The following USP34 variants were observed in gnomAD, a reference collection of about 807,000 sequenced individuals.
USP34 encodes the protein ubiquitin carboxyl-terminal hydrolase 34.
In USP34, 70 loss-of-function variants were observed where a neutral mutation model predicts 460.3. That is an observed-to-expected ratio of 0.15 (90% CI 0.13 to 0.19). The LOEUF is 0.19. Among genes scored for constraint, USP34 ranks in the 10% least tolerant of loss-of-function variants. The pLI is 1.00. For synonymous variants in USP34, 1,647 were observed against 1,405.3 expected, an observed-to-expected ratio of 1.17 and a Z score of -3.85; for missense variants, 3,985 against 4,236.2, an observed-to-expected ratio of 0.94 and a Z score of 1.65.
chr2:61,406,073 C>T lies in USP34; in HGVS notation c.187G>A (p.Val63Met), dbSNP rs770514021. 1.9e-6 allele frequency: 3 copies of T among 1,613,100 alleles called. No homozygotes were observed. The South Asian group carries it at 3.3e-5, about 18-fold the overall frequency. The stretch of plus-strand genomic sequence containing the variant: ...ATCACTAAGTTAATAAGTGCACACA[C>T]TACTTGATTAAAAATCTCCAAATGC... ...YKHLEIFNQV[V>M]CALINLVIAQ... Residue 63 changes from valine to methionine, a missense_variant, in exon 3 of 80, where the codon GTG becomes ATG. Physicochemically the swap from Val to Met is conservative, Grantham distance 21. Transcript: ENST00000398571.
chr2:61,401,850 G>A (rs993337954), intron 3 of USP34, among the ~76,000 whole-genome samples: 25 of 150,390 alleles, frequency 1.7e-4, no homozygotes, highest in Non-Finnish European at 2.5e-4. Context: ...GAGCCACCGC[G>A]CCCGGCCCAT....
At chr2:61,396,675 A>G (rs1693539198) in intron 3 of USP34, among the ~76,000 whole-genome samples, 1 of 151,930 alleles carries the variant, frequency 6.6e-6, no homozygotes, top group South Asian at 2.1e-4. Context: ...TTTTTAGTAG[A>G]GACAGGGTTT....
chr2:61,360,164 G>GT (rs1389162809), intron 10 of USP34, among the ~76,000 whole-genome samples: 3 of 146,388 alleles, frequency 2.0e-5, no homozygotes, highest in African/African-American at 7.4e-5. Context: ...GGATGCCCCA[G>GT]TATTACCACT....
At chr2:61,230,890 T>C (rs1211244325) in intron 58 of USP34, among the ~76,000 whole-genome samples, 1 of 148,392 alleles carries the variant, frequency 6.7e-6, no homozygotes, top group African/African-American at 2.5e-5. Context: ...AGTTTACCAG[T>C]TCTAAAAACA....
rs1309739601 is a variant in USP34, at chr2:61,380,283, G to A, written c.900C>T (p.Val300=). The change falls in exon 7 of 80, where the codon GTC becomes GTT. Residue 300 remains valine (V), a synonymous_variant. Coordinates refer to ENST00000398571, the MANE Select transcript of USP34 (RefSeq NM_014709.4). ...ATAATGTTGTATCCAATGGTTCTTT[G>A]ACTGTGCTCCACATTAAGTCAGCCA... ...RNMADLMWST[V]KEPLDTTLCF... 4 of 1,613,974 alleles carry A rather than the reference G, an allele frequency of 2.5e-6. No individual in the cohort carries two copies. The African/African-American group carries it at 5.3e-5, about 22-fold the overall frequency.
At chr2:61,292,204 A>G (rs1004367790) in intron 33 of USP34, among the ~76,000 whole-genome samples, 1 of 152,192 alleles carries the variant, frequency 6.6e-6, no homozygotes, top group Non-Finnish European at 1.5e-5. Context: ...TTTCAAAAAA[A>G]GTTTTAAAGG....
intron 34 of USP34, among the ~76,000 whole-genome samples, chr2:61,286,821 A>G (rs1404331551): frequency 1.3e-5 from 2 of 152,184 alleles, no homozygotes; most frequent in African/African-American, 2.4e-5. Flanking sequence ...ACAAACCAAT[A>G]ACCTATAAAC....
intron 10 of USP34, among the ~76,000 whole-genome samples, chr2:61,370,047 G>C (rs572547210): frequency 1.4e-5 from 2 of 147,558 alleles, no homozygotes; most frequent in African/African-American, 5.0e-5. Flanking sequence ...ATTCAGGATA[G>C]AAGGGTAGAC....
intron 1 of USP34, among the ~76,000 whole-genome samples, chr2:61,425,168 C>G (rs189774351): frequency 1.3e-5 from 2 of 152,116 alleles, no homozygotes; most frequent in African/African-American, 4.8e-5. Flanking sequence ...GAAGGCTCCA[C>G]TGATCATGCC....
chr2:61,469,498 T>C (rs116245684), intron 1 of USP34, among the ~76,000 whole-genome samples: 1,581 of 152,320 alleles, frequency 0.01, 27 homozygotes, highest in African/African-American at 0.036. Flanking sequence ...AAAAGCCTAT[T>C]CCACCTATCA....
chr2:61,274,426 A>G (rs1430478627), intron 41 of USP34, among the ~76,000 whole-genome samples: 2 of 150,340 alleles, frequency 1.3e-5, no homozygotes, highest in African/African-American at 2.4e-5. Context: ...CATAACAAAA[A>G]ACATGAAGTC....
At chr2:61,241,973 C>T (rs924354455) in intron 51 of USP34, among the ~76,000 whole-genome samples, 154 bp from the exon 52 acceptor site, 1 of 151,976 alleles carries the variant, frequency 6.6e-6, no homozygotes, top group Non-Finnish European at 1.5e-5. Flanking sequence ...ATTCTACGTA[C>T]TTCACAATTT....
In USP34 at chr2:61,188,269, G is replaced by A. The variant is rs760884483; in HGVS notation, c.10474C>T (p.Pro3492Ser). The change falls in exon 80 of 80, where the codon CCC becomes TCC. Residue 3492 changes from proline (P) to serine (S), a missense_variant. Around this residue, in one of 14 missense-constraint regions of USP34, gnomAD observed 506 missense variants for 439.0 expected, o/e 1.15. Coordinates refer to ENST00000398571, the MANE Select transcript of USP34 (RefSeq NM_014709.4). The part of the protein sequence containing the change: ...DLRSCDGQAL[P>S]SQDPEVALSL... ...AAAGCAACCTCAGGGTCCTGGGAGG[G>A]CAAAGCTTGGCCATCACAGCTTCTC... 16 of 1,613,982 alleles carry A rather than the reference G, an allele frequency of 9.9e-6. No homozygotes were observed. Among genetic ancestry groups the A allele is most frequent in the Non-Finnish European group, 1.3e-5 (15 of 1,180,026 alleles).
intron 12 of USP34, among the ~76,000 whole-genome samples, chr2:61,349,486 G>T (rs1691877044): frequency 6.6e-6 from 1 of 152,046 alleles, no homozygotes; most frequent in African/African-American, 2.4e-5. Flanking sequence ...ATGTTGTCAG[G>T]AGACAAAAAC....
chr2:61,325,297 G>T, intron 21 of USP34, 78 bp downstream of exon 21: 38 of 878,526 alleles, frequency 4.3e-5, no homozygotes, highest in Non-Finnish European at 6.1e-5. Context: ...AAAAACTGCA[G>T]AAATCAGAAG....
intron 53 of USP34, among the ~76,000 whole-genome samples, chr2:61,240,413 G>T: frequency 6.6e-6 from 1 of 151,968 alleles, no homozygotes; most frequent in East Asian, 1.9e-4. Flanking sequence ...CGAGTAGCTG[G>T]GACTACAGGC....
intron 5 of USP34, among the ~76,000 whole-genome samples, chr2:61,385,143 A>C (rs998779592): frequency 6.6e-6 from 1 of 152,146 alleles, no homozygotes; most frequent in Non-Finnish European, 1.5e-5. Context: ...TCCCTTAAGA[A>C]CAGTATCAAA....
intron 1 of USP34, among the ~76,000 whole-genome samples, chr2:61,454,184 G>T (rs1695365221): frequency 6.6e-6 from 1 of 151,804 alleles, no homozygotes; most frequent in Admixed American, 6.6e-5. Flanking sequence ...TCACCCAGGG[G>T]TGTGATCTCA....
At chr2:61,271,964 T>C (rs1244366372) in intron 41 of USP34, among the ~76,000 whole-genome samples, 1 of 152,252 alleles carries the variant, frequency 6.6e-6, no homozygotes, top group East Asian at 1.9e-4. Context: ...CTGCCTTTAA[T>C]ACCTCTACTT....
Sources: gnomAD v4.1 joint callset for allele counts (sites outside exome capture counted in the v4.1 genomes callset) on GRCh38, gnomAD v4.1.1 for gene constraint, gnomAD v4.1.1 regional missense constraint, MANE v1.5 for transcripts, NCBI Gene and HGNC (gene_info 2026-07-23, HGNC 2026-07-21) for gene names.